FAM222B: variants seen among roughly 807,000 people sequenced by gnomAD.
The protein encoded by FAM222B is protein FAM222B.
FAM222B carries 12 observed loss-of-function variants against 38.0 expected under a neutral mutation model. The observed-to-expected ratio is 0.32, with a 90% CI of 0.20 to 0.51. FAM222B has a LOEUF of 0.51. FAM222B is among the 20% of genes least tolerant of loss of function. The pLI, the probability that FAM222B is intolerant of heterozygous loss-of-function variation, is 0.97. For synonymous variants in FAM222B, 329 were observed against 317.2 expected (o/e 1.04, Z -0.40); for missense variants, 716 against 754.2 (o/e 0.95, Z 0.59).
intron 1 of FAM222B, among the ~76,000 whole-genome samples, chr17:28,797,451 A>C (rs1437148689): frequency 2.6e-5 from 4 of 152,234 alleles, no homozygotes; most frequent in African/African-American, 9.6e-5. Context: ...AAGTGAACAT[A>C]AAGAACAATT....
intron 1 of FAM222B, among the ~76,000 whole-genome samples, chr17:28,789,101 AAAC>A (rs1328943531): frequency 6.6e-6 from 1 of 151,060 alleles, no homozygotes; most frequent in Non-Finnish European, 1.5e-5. Context: ...AAAAAAAAAA[AAAC>A]TAACACCCCC....
intron 1 of FAM222B, among the ~76,000 whole-genome samples, chr17:28,817,108 T>G (rs1296966627): frequency 6.6e-6 from 1 of 151,700 alleles, no homozygotes; most frequent in African/African-American, 2.4e-5. Flanking sequence ...AAGACATGAC[T>G]GTTAAAAAAA....
intron 1 of FAM222B, among the ~76,000 whole-genome samples, chr17:28,786,984 G>A (rs1267363111): frequency 1.3e-5 from 2 of 148,776 alleles, no homozygotes; most frequent in African/African-American, 5.0e-5. Context: ...GAGTGCAGTG[G>A]TGCGATCTCC....
intron 1 of FAM222B, chr17:28,802,575 A>C (rs1264764368): frequency 1.2e-5 from 2 of 160,828 alleles, no homozygotes; most frequent in Admixed American, 6.4e-5. Context: ...CAAGCCCCTC[A>C]GGCACTCAAA....
chr17:28,814,624 G>A (rs1039722440), intron 1 of FAM222B, among the ~76,000 whole-genome samples: 2 of 152,136 alleles, frequency 1.3e-5, no homozygotes, highest in East Asian at 1.9e-4. Context: ...ACACCACCAC[G>A]CCTGGCTAAC....
Position 28,758,015 on chromosome 17 carries a change from G to T in FAM222B, c.*255C>A, listed in dbSNP as rs2034791266. On this transcript the variant is annotated 3_prime_UTR_variant, in exon 3 of 3. Coordinates refer to ENST00000581407, the MANE Select transcript of FAM222B (RefSeq NM_001077498.3). Reference sequence around the variant, plus strand: ...TGGCTGGAAATGGCCAAGGTGGAGAGACTAGCTGACAGGCAGTCAGTGGAG... The same window carrying T: ...TGGCTGGAAATGGCCAAGGTGGAGATACTAGCTGACAGGCAGTCAGTGGAG... The T allele has an allele frequency of 2.5e-6, 1 of 397,172 alleles. No individual in the cohort carries two copies. Among genetic ancestry groups the T allele is most frequent in the Admixed American group, 4.2e-5 (1 of 23,766 alleles). 24.6% of individuals were successfully genotyped at this position (397,172 alleles called of 1,614,324 possible).
chr17:28,769,518 C>T (rs1161331631), intron 1 of FAM222B, among the ~76,000 whole-genome samples: 1 of 152,138 alleles, frequency 6.6e-6, no homozygotes, highest in Non-Finnish European at 1.5e-5. Context: ...AGGATGGTCT[C>T]GATCTCTTGA....
intron 2 of FAM222B, among the ~76,000 whole-genome samples, chr17:28,765,288 C>T (rs561864696): frequency 6.6e-6 from 1 of 152,312 alleles, no homozygotes; most frequent in African/African-American, 2.4e-5. Flanking sequence ...CGACAGCCTG[C>T]GTGCCTGGTC....
intron 1 of FAM222B, among the ~76,000 whole-genome samples, chr17:28,826,413 G>T (rs1322917668): frequency 1.3e-5 from 2 of 151,916 alleles, no homozygotes; most frequent in East Asian, 3.9e-4. Flanking sequence ...GGACAGGTTG[G>T]CTCACGCCTG....
chr17:28,759,105 G>T lies in FAM222B; in HGVS notation c.854C>A (p.Thr285Asn). Residue 285 changes from threonine to asparagine, a missense_variant, in exon 3 of 3, where the codon ACC becomes AAC. By Grantham distance (65) the Thr-to-Asn change is moderately conservative (BLOSUM62 0). Transcript: ENST00000581407. The surrounding 1 kb of genome is among the most constrained non-coding windows in gnomAD (Gnocchi z 4.8). The stretch of plus-strand genomic sequence containing the variant: ...GGCGATCTGGCCCTCACACACTGAG[G>T]TAGTGCTGATGCCTGCCCTCGTCTG... ...FCQTRAGIST[T>N]SVCEGQIANP... 1 of 1,611,756 alleles carries T rather than the reference G, an allele frequency of 6.2e-7. No individual in the cohort carries two copies. Among genetic ancestry groups the T allele is most frequent in the Non-Finnish European group, 8.5e-7 (1 of 1,179,012 alleles).
chr17:28,833,217 G>C (rs2038726589), intron 1 of FAM222B, among the ~76,000 whole-genome samples: 1 of 151,614 alleles, frequency 6.6e-6, no homozygotes, highest in Non-Finnish European at 1.5e-5. Flanking sequence ...GCTGAGGCAG[G>C]AGAATACCTT....
chr17:28,758,803 G>A lies in FAM222B; in HGVS notation c.1156C>T (p.Pro386Ser), dbSNP rs1490418201. The A allele has an allele frequency of 6.3e-7, 1 of 1,580,028 alleles. No individual in the cohort carries two copies. The highest frequency in any genetic ancestry group is 8.6e-7 in the Non-Finnish European group (1 of 1,162,244). ...GCCGCATGCTTGCCTGTCAGGCCAG[G>A]GGCTGGCGTCCCACTAGCCTCGCTG... is the stretch of plus-strand genomic sequence containing the variant. The part of the protein sequence containing the change: ...MCSEASGTPA[P>S]GLTGKHAAGR... The change falls in exon 3 of 3, where the codon CCT becomes TCT. Residue 386 changes from proline to serine, a missense_variant. Pro to Ser is a moderately conservative substitution (Grantham distance 74). Coordinates refer to ENST00000581407, the MANE Select transcript of FAM222B (RefSeq NM_001077498.3).
At chr17:28,822,926 C>T (rs2038314285) in intron 1 of FAM222B, among the ~76,000 whole-genome samples, 1 of 135,424 alleles carries the variant, frequency 7.4e-6, no homozygotes, top group East Asian at 2.2e-4. Flanking sequence ...GGCGTGCTTC[C>T]ATGCGCAGGT....
chr17:28,829,496 A>G (rs1319873544), intron 1 of FAM222B, among the ~76,000 whole-genome samples: 1 of 152,060 alleles, frequency 6.6e-6, no homozygotes, highest in Non-Finnish European at 1.5e-5. Flanking sequence ...TCTTACCCAA[A>G]GGCAATCACT....
At chr17:28,778,007 C>CTTT (rs34833861) in intron 1 of FAM222B, among the ~76,000 whole-genome samples, 28 of 106,622 alleles carry the variant, frequency 2.6e-4, no homozygotes, top group African/African-American at 7.7e-4. Flanking sequence ...CCAGGCTGGA[C>CTTT]TTTTTTTTTT....
chr17:28,784,413 T>C (rs1239966606), intron 1 of FAM222B, among the ~76,000 whole-genome samples: 1 of 141,830 alleles, frequency 7.1e-6, no homozygotes, highest in African/African-American at 2.6e-5. Context: ...GAGCCTGAGC[T>C]TGCAGTGTGC....
chr17:28,845,254 A>G (rs1394340220), upstream of FAM222B, among the ~76,000 whole-genome samples: 1 of 151,904 alleles, frequency 6.6e-6, no homozygotes, highest in African/African-American at 2.4e-5. Flanking sequence ...ATAAAAAATT[A>G]GCCGGGCATG....
At chr17:28,794,188 A>G (rs1410799505) in intron 1 of FAM222B, among the ~76,000 whole-genome samples, 1 of 151,882 alleles carries the variant, frequency 6.6e-6, no homozygotes. Flanking sequence ...TGCAAATCTA[A>G]TAACAGCACC....
chr17:28,787,268 A>G (rs1351552241), intron 1 of FAM222B, among the ~76,000 whole-genome samples: 1 of 152,146 alleles, frequency 6.6e-6, no homozygotes, highest in Non-Finnish European at 1.5e-5. Context: ...CTAGTTTCCC[A>G]ATCTTGCCAA....
Sources: allele counts gnomAD v4.1 joint callset (sites outside exome capture counted in the v4.1 genomes callset), GRCh38; gene constraint gnomAD v4.1.1; non-coding constraint Gnocchi (gnomAD v3.1); transcripts MANE v1.5; gene names NCBI Gene and HGNC (gene_info 2026-07-23, HGNC 2026-07-21).